The following CEP131 variants were observed in gnomAD, a reference collection of about 807,000 sequenced individuals.
CEP131 encodes centrosomal protein of 131 kDa.
In CEP131, 99 loss-of-function variants were observed where a neutral mutation model predicts 136.8. That is an observed-to-expected ratio of 0.72 (90% CI 0.62 to 0.86). The LOEUF (loss-of-function observed/expected upper bound fraction) is 0.86, where lower values mean the gene tolerates loss of function less well. Among genes scored for constraint, CEP131 ranks in the 40% least tolerant of loss-of-function variants. CEP131 has a pLI of 0.00. For missense variants in CEP131, 1,459 were observed against 1,463.0 expected, an observed-to-expected ratio of 1.00 and a Z score of 0.04; for synonymous variants, 646 against 612.7, an observed-to-expected ratio of 1.05 and a Z score of -0.80.
In CEP131 at chr17:81,198,745, G is replaced by A. The variant is rs1285940225; in HGVS notation, c.1287+132C>T. ...CAGAGCAAGAAGACACCTCCTGGGT[G>A]GCCTCTCTGAGCTTAAGTGGCCCCT... is the stretch of plus-strand genomic sequence containing the variant. On this transcript the variant is annotated intron_variant, in intron 11 of 25. Transcript: ENST00000450824. 2.4e-5 allele frequency: 20 copies of A among 842,328 alleles called. No individual in the cohort carries two copies. In the African/African-American group the frequency reaches 3.1e-4, roughly 13 times the overall value. The allele number at this position is 842,328 out of a possible 1,614,324, so 52.2% of individuals were successfully genotyped here. A position where few individuals can be genotyped will look rare whatever the true frequency, so the allele number is the denominator to read the frequency against.
intron 21 of CEP131, among the ~76,000 whole-genome samples, chr17:81,191,939 C>T (rs1178698619): frequency 6.6e-6 from 1 of 152,110 alleles, no homozygotes; most frequent in African/African-American, 2.4e-5. Flanking sequence ...TGGCAGAGTC[C>T]ACCCCCCACA....
chr17:81,211,055 G>A (rs916756500), intron 2 of CEP131, among the ~76,000 whole-genome samples: 1 of 152,170 alleles, frequency 6.6e-6, no homozygotes. Context: ...GCGCGTGGGC[G>A]CCACCATTCT....
In CEP131 at chr17:81,189,700, G is replaced by A; in HGVS notation, c.*69C>T. On this transcript the variant is annotated 3_prime_UTR_variant, in exon 26 of 26. Transcript: ENST00000450824. ...GGGGGGCAGGTGGGCGTCCCTGTGGGCCTCTGGGCCCACGTCCAGCCTCTG... is the reference window on the plus strand; with the variant it reads ...GGGGGGCAGGTGGGCGTCCCTGTGGACCTCTGGGCCCACGTCCAGCCTCTG... 1 of 1,476,686 alleles carries A rather than the reference G, an allele frequency of 6.8e-7. No individual in the cohort carries two copies. The highest frequency in any genetic ancestry group is 1.4e-5 in the South Asian group (1 of 73,454). 91.5% of individuals were successfully genotyped at this position (1,476,686 alleles called of 1,614,324 possible).
At chr17:81,211,670 T>C (rs1454189356) in intron 2 of CEP131, among the ~76,000 whole-genome samples, 1 of 151,922 alleles carries the variant, frequency 6.6e-6, no homozygotes, top group African/African-American at 2.4e-5. Flanking sequence ...TGGTGGCTCA[T>C]GCCTATAATC....
chr17:81,203,687 G>T lies in CEP131; in HGVS notation c.516-80C>A, dbSNP rs941790712. On this transcript the variant is annotated intron_variant, in intron 5 of 25. Coordinates refer to ENST00000450824, the MANE Select transcript of CEP131 (RefSeq NM_014984.4). This position sits in a 1 kb window ranked among gnomAD's most constrained non-coding sequence, Gnocchi z 4.6. ...GATCTCAGAGCTACACTCGCAGCACGGGCTGGGAGGGAACAAAGGCCTTCA... is the reference window on the plus strand; with the variant it reads ...GATCTCAGAGCTACACTCGCAGCACTGGCTGGGAGGGAACAAAGGCCTTCA... The T allele has an allele frequency of 1.1e-5, 13 of 1,133,782 alleles. No individual in the cohort carries two copies. In the South Asian group the frequency reaches 1.3e-4, roughly 11 times the overall value. 70.2% of individuals were successfully genotyped at this position (1,133,782 alleles called of 1,614,324 possible).
chr17:81,218,836 G>A (rs1051450939), intron 2 of CEP131, among the ~76,000 whole-genome samples: 2 of 152,238 alleles, frequency 1.3e-5, no homozygotes, highest in African/African-American at 4.8e-5. Context: ...TGGAACCCTG[G>A]CCTGGGCCTG....
intron 12 of CEP131, 56 bp downstream of exon 12, chr17:81,198,059 C>G (rs758361292): frequency 2.0e-6 from 3 of 1,504,346 alleles, no homozygotes; most frequent in South Asian, 1.3e-5. Context: ...ACCGCATGCT[C>G]TGTGTGAATG....
chr17:81,214,908 G>A (rs1438137754), intron 2 of CEP131, among the ~76,000 whole-genome samples: 10 of 151,798 alleles, frequency 6.6e-5, no homozygotes, highest in South Asian at 2.1e-4. Context: ...GAGTAGCCGC[G>A]ACTACAGGTG....
rs1219979244 is a variant in CEP131, at chr17:81,196,836, G to A, written c.1774-10C>T. The A allele has an allele frequency of 1.3e-6, 2 of 1,597,570 alleles. No individual in the cohort carries two copies. The highest frequency in any genetic ancestry group is 1.3e-5 in the African/African-American group (1 of 74,854). On this transcript the variant is annotated splice_polypyrimidine_tract_variant and intron_variant, in intron 14 of 25. Transcript: ENST00000450824. ...GGTCTCGCTGCTGCGCCTGCAGGGTGTGGGCAGAGGAGGGAAGCGCTAGGA... is the reference window on the plus strand; with the variant it reads ...GGTCTCGCTGCTGCGCCTGCAGGGTATGGGCAGAGGAGGGAAGCGCTAGGA...
In CEP131 at chr17:81,196,777, G is replaced by A. The variant is rs755992739; in HGVS notation, c.1823C>T (p.Ala608Val). 1.6e-5 allele frequency: 26 copies of A among 1,587,570 alleles called. No homozygotes were observed. The highest frequency in any genetic ancestry group is 4.6e-5 in the East Asian group (2 of 43,856). ...TARRVKETEK[A>V]LSRQLQRQRE... ...CTGCCGCTGCAGCTGCCGGCTCAGC[G>A]CCTTCTCTGTCTCCTTGACCCGCCG... Residue 608 changes from alanine (A) to valine (V), a missense_variant, in exon 15 of 26, where the codon GCG (alanine) becomes GTG (valine). By Grantham distance (64) the Ala-to-Val change is moderately conservative (BLOSUM62 0). Around this residue, in one of 3 missense-constraint regions of CEP131, gnomAD observed 1,026 missense variants for 964.2 expected, o/e 1.06. Transcript: ENST00000450824.
chr17:81,201,536 T>G (rs1479464088), intron 7 of CEP131, among the ~76,000 whole-genome samples: 5 of 152,234 alleles, frequency 3.3e-5, no homozygotes, highest in Non-Finnish European at 7.3e-5. Context: ...CTGTATCTTC[T>G]TTGCCTTTAA....
chr17:81,201,814 A>T (rs1188194804), intron 7 of CEP131, among the ~76,000 whole-genome samples: 1 of 152,172 alleles, frequency 6.6e-6, no homozygotes, highest in Admixed American at 6.5e-5. Flanking sequence ...TCAATATTTT[A>T]AAACAGGCCG....
At position 81,209,005 on chromosome 17, in the gene CEP131, C is replaced by T. The variant is rs1378989202; in HGVS notation, c.195G>A (p.Gly65=). Reference sequence around the variant, plus strand: ...TAAGGTTGTTGATGGCCTGGGAGCCCCCAGGCCCTGTGGCCTCCTGCAAAA... The same window carrying T: ...TAAGGTTGTTGATGGCCTGGGAGCCTCCAGGCCCTGTGGCCTCCTGCAAAA... ...KRKVLEATGP[G]GSQAINNLRR... is the part of the protein sequence containing the mutation. Residue 65 remains glycine, a synonymous_variant, in exon 3 of 26, where the codon GGG becomes GGA. Transcript: ENST00000450824. 2.5e-6 allele frequency: 4 copies of T among 1,613,574 alleles called. No homozygotes were observed. The highest frequency in any genetic ancestry group is 1.7e-5 in the Admixed American group (1 of 59,972).
chr17:81,192,685 G>GGGCGCCCC, intron 19 of CEP131, 51 bp downstream of exon 19: 1 of 478,438 alleles, frequency 2.1e-6, no homozygotes, highest in Non-Finnish European at 4.1e-6. Context: ...GGGGGGAGGG[G>GGGCGCCCC]TCAGCCAGCG....
rs746707553 is a variant in CEP131 at position 81,190,754 on chromosome 17, G to T, written c.2992C>A (p.Arg998Ser). 5 of 1,611,828 alleles carry T rather than the reference G, an allele frequency of 3.1e-6. No individual in the cohort carries two copies. In the South Asian group the frequency reaches 3.3e-5, roughly 11 times the overall value. The change falls in exon 24 of 26, where the codon CGC becomes AGC. Residue 998 changes from arginine to serine, a missense_variant. Physicochemically the swap from Arg to Ser is moderately radical, Grantham distance 110. This residue lies in a region of CEP131 where 1,026 missense variants were observed against 964.2 expected (regional missense o/e 1.06). Transcript: ENST00000450824. ...GCCAGCCGGTCCTCGAACTCCTGGC[G>T]GATCACCTGGGCCAGGTTGCTGCGC... ...SERSNLAQVI[R>S]QEFEDRLAAS... is the part of the protein sequence containing the mutation.
rs1567850215 is a variant in CEP131 at position 81,193,942 on chromosome 17, C to T, written c.2305G>A (p.Glu769Lys). The change falls in exon 18 of 26, where the codon GAA becomes AAA. Residue 769 changes from glutamate to lysine, a missense_variant. By Grantham distance (56) the Glu-to-Lys change is moderately conservative. Around this residue, in one of 3 missense-constraint regions of CEP131, gnomAD observed 1,026 missense variants for 964.2 expected, o/e 1.06. Coordinates refer to ENST00000450824, the MANE Select transcript of CEP131 (RefSeq NM_014984.4). ...EKEALGQQER[E>K]RARQRFQQHL... Reference sequence around the variant, plus strand: ...ACCACCCACCGCTGCCGAGCACGTTCGCGCTCCTGCTGGCCCAGCGCCTCC... The same window carrying T: ...ACCACCCACCGCTGCCGAGCACGTTTGCGCTCCTGCTGGCCCAGCGCCTCC... The T allele has an allele frequency of 7.8e-6, 12 of 1,537,156 alleles. No homozygotes were observed. Among genetic ancestry groups the T allele is most frequent in the Middle Eastern group, 1.9e-4 (1 of 5,136 alleles).
chr17:81,190,612 T>TCCAGCCCTGCAGCCCCCGCCGC, intron 24 of CEP131, 27 bp downstream of exon 24: 1 of 1,542,424 alleles, frequency 6.5e-7, no homozygotes, highest in Non-Finnish European at 8.7e-7. Flanking sequence ...CGCCTCCGTC[T>TCCAGCCCTGCAGCCCCCGCCGC]CCAGCCCTGC....
At position 81,192,520 on chromosome 17, in the gene CEP131, C is replaced by T; in HGVS notation, c.2503G>A (p.Ala835Thr). 6.2e-7 allele frequency: 1 copy of T among 1,611,324 alleles called. No individual in the cohort carries two copies. ...SSSALTRALR[A>T]EFEKGREEQE... Reference sequence around the variant, plus strand: ...TCCTCCCTGCCCTTCTCAAACTCAGCCCTCAGGGCTCGGGTCAGTGCAGAG... The same window carrying T: ...TCCTCCCTGCCCTTCTCAAACTCAGTCCTCAGGGCTCGGGTCAGTGCAGAG... The change falls in exon 20 of 26, where the codon GCT becomes ACT. Residue 835 changes from alanine to threonine, a missense_variant. Ala to Thr is a moderately conservative substitution (Grantham distance 58). This residue lies in a region of CEP131 where 1,026 missense variants were observed against 964.2 expected (regional missense o/e 1.06). Transcript: ENST00000450824.
chr17:81,205,311 T>C (rs1055852391), intron 5 of CEP131, among the ~76,000 whole-genome samples: 1 of 144,572 alleles, frequency 6.9e-6, no homozygotes, highest in Non-Finnish European at 1.5e-5. Flanking sequence ...CTTGAAAAGA[T>C]GCTGCTCCTC....
Sources: allele counts gnomAD v4.1 joint callset (sites outside exome capture counted in the v4.1 genomes callset), GRCh38; gene constraint gnomAD v4.1.1; regional missense constraint gnomAD v4.1.1; non-coding constraint Gnocchi (gnomAD v3.1); transcripts MANE v1.5; gene names NCBI Gene and HGNC (gene_info 2026-07-23, HGNC 2026-07-21).